The following UTS2B variants were observed in gnomAD, a reference collection of about 807,000 sequenced individuals.
UTS2B encodes the protein urotensin 2B.
Under a neutral mutation model 19.2 loss-of-function variants are expected in UTS2B, and 21 were observed. The observed-to-expected ratio is 1.09, with a 90% CI of 0.78 to 1.58. The LOEUF (loss-of-function observed/expected upper bound fraction) is 1.58, where lower values mean the gene tolerates loss of function less well. Ranked by LOEUF, UTS2B falls within the 40% of genes most tolerant of loss-of-function variation. UTS2B has a pLI of 0.00. For synonymous variants in UTS2B, 57 were observed against 50.2 expected (o/e 1.14, Z -0.58); for missense variants, 138 against 130.3 (o/e 1.06, Z -0.29).
intron 4 of UTS2B, among the ~76,000 whole-genome samples, chr3:191,295,357 A>G (rs1387215461): frequency 6.6e-6 from 1 of 151,984 alleles, no homozygotes; most frequent in Non-Finnish European, 1.5e-5. Context: ...TCCATTGCTG[A>G]CAACGACCTG....
At chr3:191,345,891 A>T in the UTS2B span, among the ~76,000 whole-genome samples, 2,208 of 152,172 alleles carry the variant, frequency 0.015, 50 homozygotes, top group African/African-American at 0.05. Context: ...TATGCTTATT[A>T]CCCTTGTAAA....
intron 7 of UTS2B, 44 bp from the exon 8 acceptor site, chr3:191,275,389 C>T (rs373185681): frequency 1.3e-6 from 2 of 1,541,316 alleles, no homozygotes; most frequent in African/African-American, 1.4e-5. Context: ...TTCTATAAAA[C>T]CATGCTGTTG....
At chr3:191,300,009 CTTTCT>C (rs1040647953) in intron 4 of UTS2B, among the ~76,000 whole-genome samples, 7 of 152,128 alleles carry the variant, frequency 4.6e-5, no homozygotes, top group African/African-American at 1.2e-4. Flanking sequence ...CCTGTAGCCC[CTTTCT>C]TTTCTTTTTT....
At chr3:191,336,422 A>T in the UTS2B span, among the ~76,000 whole-genome samples, 3 of 152,100 alleles carry the variant, frequency 2.0e-5, no homozygotes, top group Non-Finnish European at 1.5e-5. Context: ...CTAATGACTC[A>T]TGATGTTGTG....
intron 6 of UTS2B, chr3:191,277,783 T>C (rs1324189345): frequency 4.3e-5 from 8 of 184,792 alleles, no homozygotes; most frequent in Non-Finnish European, 8.8e-5. Context: ...TAGTGGAGAA[T>C]TGCATAGATG....
intron 8 of UTS2B, among the ~76,000 whole-genome samples, chr3:191,274,683 G>C (rs1716181436): frequency 6.6e-6 from 1 of 152,042 alleles, no homozygotes; most frequent in Non-Finnish European, 1.5e-5. Flanking sequence ...TGGTATAGGG[G>C]ACAAGTAAAA....
chr3:191,329,828 T>TGCCCGCC, intron 1 of UTS2B: 1 of 1,144,466 alleles, frequency 8.7e-7, no homozygotes, highest in South Asian at 1.4e-5. Flanking sequence ...CCTCGCCCGG[T>TGCCCGCC]GCCCGCCCTG....
chr3:191,299,432 G>A (rs936684824), intron 4 of UTS2B, among the ~76,000 whole-genome samples: 50 of 152,250 alleles, frequency 3.3e-4, no homozygotes, highest in African/African-American at 1.1e-3. Context: ...CTCCAGCCAC[G>A]TCTAAAAGGA....
At chr3:191,277,970 T>C in intron 6 of UTS2B, 102 bp downstream of exon 6, 1 of 604,542 alleles carries the variant, frequency 1.7e-6, no homozygotes, top group Non-Finnish European at 2.8e-6. Flanking sequence ...AAAAGAGTAA[T>C]TATTTCATTT....
chr3:191,312,901 C>T (rs545924695), intron 3 of UTS2B, among the ~76,000 whole-genome samples: 2 of 152,184 alleles, frequency 1.3e-5, no homozygotes, highest in South Asian at 2.1e-4. Flanking sequence ...AAAAGGATAA[C>T]GAGGCACAGA....
At chr3:191,271,243 G>A (rs1415064448) in intron 8 of UTS2B, among the ~76,000 whole-genome samples, 4 of 140,310 alleles carry the variant, frequency 2.9e-5, no homozygotes, top group Non-Finnish European at 6.1e-5. Context: ...TCAAAGAACT[G>A]AAACTCACCA....
chr3:191,271,200 C>CAAAAAAAAAAAAAA (rs66756396), intron 8 of UTS2B, among the ~76,000 whole-genome samples: 4 of 52,768 alleles, frequency 7.6e-5, no homozygotes, highest in African/African-American at 2.9e-4. Flanking sequence ...GAGACTCTCT[C>CAAAAAAAAAAAAAA]AAAAAAAAAA....
rs1716201347 is a variant in UTS2B, at chr3:191,275,316, C to T, written c.270G>A (p.Glu90=). The change falls in exon 8 of 9, where the codon GAG becomes GAA. Residue 90 remains glutamate (E), a synonymous_variant. Coordinates refer to ENST00000340524, the MANE Select transcript of UTS2B (RefSeq NM_198152.5). ...CATAGGACGTCTCAGAATCCTTCTC[C>T]TCCACTAGCTGTTCTTTTAGCTTTT... is the stretch of plus-strand genomic sequence containing the variant. The part of the protein sequence containing the change: ...QLEKLKEQLV[E]EKDSETSYAV... 19 of 1,613,682 alleles carry T rather than the reference C, an allele frequency of 1.2e-5. No homozygotes were observed. Among genetic ancestry groups the T allele is most frequent in the Non-Finnish European group, 1.6e-5 (19 of 1,179,716 alleles).
At chr3:191,277,817 AC>A (rs1405618591) in intron 6 of UTS2B, among the ~76,000 whole-genome samples, 2 of 151,794 alleles carry the variant, frequency 1.3e-5, no homozygotes, top group East Asian at 3.8e-4. Context: ...AATAAAGGTA[AC>A]CTTTTTTTTT....
chr3:191,272,594 C>G (rs1716119938), intron 8 of UTS2B, among the ~76,000 whole-genome samples: 1 of 152,188 alleles, frequency 6.6e-6, no homozygotes, highest in South Asian at 2.1e-4. Context: ...GGCATGGTGG[C>G]TCATGCCTGT....
the UTS2B span, among the ~76,000 whole-genome samples, chr3:191,345,672 T>C: frequency 2.0e-5 from 3 of 152,344 alleles, no homozygotes; most frequent in Non-Finnish European, 4.4e-5. Context: ...AGCCATAACA[T>C]ATCTACTTGC....
the UTS2B span, among the ~76,000 whole-genome samples, chr3:191,345,705 G>A: frequency 4.6e-5 from 7 of 152,036 alleles, no homozygotes; most frequent in African/African-American, 1.2e-4. Flanking sequence ...TTAGGTTACC[G>A]GGGTTTTCAT....
At chr3:191,318,278 T>C (rs948396815) in intron 2 of UTS2B, among the ~76,000 whole-genome samples, 2 of 152,248 alleles carry the variant, frequency 1.3e-5, no homozygotes, top group African/African-American at 2.4e-5. Context: ...CTGAATACTC[T>C]TCATACTTTA....
At chr3:191,337,400 C>T in the UTS2B span, among the ~76,000 whole-genome samples, 2 of 151,856 alleles carry the variant, frequency 1.3e-5, no homozygotes, top group African/African-American at 2.4e-5. Flanking sequence ...CTTTCTCTCT[C>T]TCTTTTTTTT....
Sources: allele counts gnomAD v4.1 joint callset (sites outside exome capture counted in the v4.1 genomes callset), GRCh38; gene constraint gnomAD v4.1.1; transcripts MANE v1.5; gene names NCBI Gene and HGNC (gene_info 2026-07-23, HGNC 2026-07-21).